The following SLC16A1 variants were observed in gnomAD, a reference collection of about 807,000 sequenced individuals.
SLC16A1 encodes monocarboxylate transporter 1.
SLC16A1 carries 11 observed loss-of-function variants against 32.2 expected under a neutral mutation model. The ratio of observed to expected loss-of-function variants is 0.34; its 90% CI spans 0.21 to 0.56. The LOEUF is 0.56. SLC16A1 is among the 20% of genes least tolerant of loss of function. The pLI, the probability that SLC16A1 is intolerant of heterozygous loss-of-function variation, is 0.87. For missense variants in SLC16A1, 435 were observed against 615.0 expected (o/e 0.71, Z 3.10); for synonymous variants, 231 against 226.8 (o/e 1.02, Z -0.17).
chr1:112,945,271 A>G (rs1225883924), intron 1 of SLC16A1, among the ~76,000 whole-genome samples: 1 of 151,936 alleles, frequency 6.6e-6, no homozygotes, highest in Non-Finnish European at 1.5e-5. Context: ...CTGGGCTTAT[A>G]GGCATAAGCC....
chr1:112,935,463 T>C (rs183869801), intron 1 of SLC16A1, among the ~76,000 whole-genome samples: 53 of 152,174 alleles, frequency 3.5e-4, no homozygotes, highest in African/African-American at 1.3e-3. Context: ...AGACTGGATG[T>C]AGCTATATAC....
intron 1 of SLC16A1, among the ~76,000 whole-genome samples, chr1:112,948,382 T>C (rs1181457596): frequency 1.3e-5 from 2 of 152,220 alleles, no homozygotes; most frequent in Non-Finnish European, 1.5e-5. Flanking sequence ...AACAGCACCA[T>C]TAAATAGCCT....
intron 1 of SLC16A1, among the ~76,000 whole-genome samples, chr1:112,934,292 T>C (rs543888707): frequency 6.8e-4 from 103 of 152,312 alleles, no homozygotes; most frequent in Admixed American, 2.0e-3. Flanking sequence ...ACTGCTTAAG[T>C]AACTGCAAAT....
At chr1:112,926,294 T>C (rs1354665422) in intron 2 of SLC16A1, among the ~76,000 whole-genome samples, 5 of 152,194 alleles carry the variant, frequency 3.3e-5, no homozygotes, top group African/African-American at 1.2e-4. Context: ...AGGTGCTACA[T>C]CAAGAACTGG....
chr1:112,943,290 G>A lies in SLC16A1; in HGVS notation c.-45+12745C>T, dbSNP rs144708859. ...CCACAGATTAGCCGGGCATGGTGGC[G>A]TGCGCCCGGAGTCCCAGCTACTCAG... On this transcript the variant is annotated intron_variant, in intron 1 of 4. Coordinates refer to ENST00000369626, the MANE Select transcript of SLC16A1 (RefSeq NM_003051.4). Among the ~76,000 whole-genome samples the A allele has an allele frequency of 5.8e-3, 880 of 152,244 alleles. 4 individuals carry two copies. Among genetic ancestry groups the A allele is most frequent in the Non-Finnish European group, 9.2e-3 (629 of 68,022 alleles).
chr1:112,919,430 CAGAGCTACTAG>C (rs1263842941), intron 3 of SLC16A1, among the ~76,000 whole-genome samples: 2 of 152,154 alleles, frequency 1.3e-5, no homozygotes, highest in African/African-American at 4.8e-5. Flanking sequence ...AGAACAAATA[CAGAGCTACTAG>C]GAAATTTTTG....
At position 112,917,339 on chromosome 1, in the gene SLC16A1, A is replaced by T. The variant is rs764586034; in HGVS notation, c.1067T>A (p.Phe356Tyr). ...TCCAAAGAATCCCGCATAGACACAG[A>T]ATCCAACATAGGTAGTGGATAAAGG... ...LAPLSTTYVG[F>Y]CVYAGFFGFA... The change falls in exon 4 of 5, where the codon TTC becomes TAC. Residue 356 changes from phenylalanine (F) to tyrosine (Y), a missense_variant. This residue lies in a region of SLC16A1 where 324 missense variants were observed against 500.3 expected (regional missense o/e 0.65). Transcript: ENST00000369626. The surrounding 1 kb of genome is among the most constrained non-coding windows in gnomAD (Gnocchi z 4.1). The T allele has an allele frequency of 1.4e-5, 22 of 1,614,088 alleles. No homozygotes were observed. In the Admixed American group the frequency reaches 3.3e-4, roughly 24 times the overall value.
chr1:112,950,404 G>A (rs914499440), intron 1 of SLC16A1, among the ~76,000 whole-genome samples: 6 of 152,176 alleles, frequency 3.9e-5, no homozygotes, highest in African/African-American at 1.4e-4. Context: ...TGTGTAGGAA[G>A]AGCAAAATCA....
intron 1 of SLC16A1, among the ~76,000 whole-genome samples, chr1:112,931,395 C>T (rs569464442): frequency 3.9e-4 from 60 of 152,120 alleles, no homozygotes; most frequent in African/African-American, 1.2e-3. Flanking sequence ...CCTGTAATCC[C>T]AGCACTCTGG....
At chr1:112,916,137 G>A (rs181034576) in intron 4 of SLC16A1, among the ~76,000 whole-genome samples, 4 of 151,480 alleles carry the variant, frequency 2.6e-5, no homozygotes, top group Admixed American at 2.6e-4. Flanking sequence ...AGCTTACATG[G>A]TAGCTATTAT....
Position 112,912,698 on chromosome 1 carries a change from G to C in SLC16A1, c.*1193C>G, listed in dbSNP as rs1332279456. 6.6e-6 allele frequency: 1 copy of C among 151,722 alleles called. No homozygotes were observed. The highest frequency in any genetic ancestry group is 1.5e-5 in the Non-Finnish European group (1 of 67,956). 9.4% of individuals were successfully genotyped at this position (151,722 alleles called of 1,614,324 possible). On this transcript the variant is annotated 3_prime_UTR_variant, in exon 5 of 5. Coordinates refer to ENST00000369626, the MANE Select transcript of SLC16A1 (RefSeq NM_003051.4). The stretch of plus-strand genomic sequence containing the variant: ...TAAGGCCTTCTCTGAAAAAAGAGAA[G>C]GAATTACTTATTAAAACTAAGCACA...
chr1:112,948,901 G>A (rs1422050237), intron 1 of SLC16A1, among the ~76,000 whole-genome samples: 3 of 152,082 alleles, frequency 2.0e-5, no homozygotes, highest in Admixed American at 1.3e-4. Flanking sequence ...CGTGATCTCC[G>A]TTCACTGCAA....
chr1:112,920,227 T>C (rs1557845294), intron 3 of SLC16A1, among the ~76,000 whole-genome samples: 1 of 152,208 alleles, frequency 6.6e-6, no homozygotes, highest in Non-Finnish European at 1.5e-5. Context: ...AATTCCAGCA[T>C]GTTGGGAGGC....
chr1:112,951,725 TA>T (rs1292745015), intron 1 of SLC16A1, among the ~76,000 whole-genome samples: 3 of 152,122 alleles, frequency 2.0e-5, no homozygotes, highest in Admixed American at 2.0e-4. Flanking sequence ...CATCAAGTGC[TA>T]AAAACACTTT....
chr1:112,915,325 G>A (rs1458196142), intron 4 of SLC16A1, among the ~76,000 whole-genome samples: 1 of 152,156 alleles, frequency 6.6e-6, no homozygotes, highest in Non-Finnish European at 1.5e-5. Context: ...AAGGAGATGG[G>A]AATTAGATCC....
rs762333880 is a variant in SLC16A1 at position 112,921,996 on chromosome 1, T to C, written c.355A>G (p.Ile119Val). 1 of 1,614,148 alleles carries C rather than the reference T, an allele frequency of 6.2e-7. No homozygotes were observed. The highest frequency in any genetic ancestry group is 1.1e-5 in the South Asian group (1 of 91,078). The change falls in exon 3 of 5, where the codon ATT (isoleucine) becomes GTT (valine). Residue 119 changes from isoleucine to valine, a missense_variant. This residue lies in a region of SLC16A1 where 324 missense variants were observed against 500.3 expected (regional missense o/e 0.65). Transcript: ENST00000369626. ...TGAATCAGTAGTAACTCACCTCCAA[T>C]GACTCCAATACAGACGTATAGTTGC... ...VQQLYVCIGV[I>V]GGLGLAFNLN...
intron 1 of SLC16A1, among the ~76,000 whole-genome samples, chr1:112,940,123 T>G (rs186774681): frequency 1.1e-3 from 166 of 150,430 alleles, no homozygotes; most frequent in Admixed American, 1.7e-3. Flanking sequence ...TGCCTCACTG[T>G]AGCTCCTGGG....
Position 112,936,480 on chromosome 1 carries a change from CAAA to C in SLC16A1, c.-44-7131_-44-7129del, listed in dbSNP as rs35673011. On this transcript the variant is annotated intron_variant, in intron 1 of 4. Transcript: ENST00000369626. ...TAGGTGACACAGCATGACTCTGTCT[CAAA>C]AAAAAAAAAAAAAAAAAAAAAGGAG... Among the ~76,000 whole-genome samples the C allele has an allele frequency of 5.3e-4, 29 of 54,868 alleles. No homozygotes were observed. In the South Asian group the frequency reaches 8.0e-3, roughly 15 times the overall value. The allele number at this position is 54,868 out of a possible 152,430, so 36.0% of individuals were successfully genotyped here. A position where few individuals can be genotyped will look rare whatever the true frequency, so the allele number is the denominator to read the frequency against.
rs117642224 is a variant in SLC16A1 at position 112,936,229 on chromosome 1, C to T, written c.-44-6877G>A. Among the ~76,000 whole-genome samples, 2,802 of 129,090 alleles carry T rather than the reference C, an allele frequency of 0.022. 171 individuals carry two copies. The East Asian group carries it at 0.26, about 12-fold the overall frequency. 84.7% of individuals were successfully genotyped at this position (129,090 alleles called of 152,430 possible). A position where few individuals can be genotyped will look rare whatever the true frequency, so the allele number is the denominator to read the frequency against. The stretch of plus-strand genomic sequence containing the variant: ...ATAATTCTAACTTAGAGAAGGCAGC[C>T]GGGGGCAGTGGCTCATGCCTGTAAT... On this transcript the variant is annotated intron_variant, in intron 1 of 4. Coordinates refer to ENST00000369626, the MANE Select transcript of SLC16A1 (RefSeq NM_003051.4).
Sources: allele counts gnomAD v4.1 joint callset (sites outside exome capture counted in the v4.1 genomes callset), GRCh38; gene constraint gnomAD v4.1.1; regional missense constraint gnomAD v4.1.1; non-coding constraint Gnocchi (gnomAD v3.1); transcripts MANE v1.5; gene names NCBI Gene and HGNC (gene_info 2026-07-23, HGNC 2026-07-21).